ROR2: variants seen among roughly 807,000 people sequenced by gnomAD.
The protein encoded by ROR2 is tyrosine-protein kinase transmembrane receptor ROR2.
Under a neutral mutation model 74.9 loss-of-function variants are expected in ROR2, and 33 were observed. The observed-to-expected ratio is 0.44, with a 90% CI of 0.33 to 0.59. ROR2 has a LOEUF of 0.59. Ranked by LOEUF, ROR2 falls within the 20% of genes least tolerant of loss-of-function variation. The pLI, the probability that ROR2 is intolerant of heterozygous loss-of-function variation, is 0.02. For synonymous variants in ROR2, 586 were observed against 558.7 expected, an observed-to-expected ratio of 1.05 and a Z score of -0.69; for missense variants, 1,216 against 1,313.8, an observed-to-expected ratio of 0.93 and a Z score of 1.15.
At chr9:91,930,065 C>T (rs1831511144) in intron 1 of ROR2, among the ~76,000 whole-genome samples, 1 of 152,108 alleles carries the variant, frequency 6.6e-6, no homozygotes, top group African/African-American at 2.4e-5. Flanking sequence ...GCACCCCAGA[C>T]AATTGAAATC....
chr9:91,763,853 A>G (rs1825985086), intron 2 of ROR2, among the ~76,000 whole-genome samples: 1 of 152,212 alleles, frequency 6.6e-6, no homozygotes, highest in African/African-American at 2.4e-5. Flanking sequence ...CTGTTGTCAC[A>G]GAACATGGTC....
rs35972600 is a variant in ROR2, at chr9:91,786,158, CAAAAAAAAAA to C, written c.98-10350_98-10341del. Among the ~76,000 whole-genome samples, 4 of 56,542 alleles carry C rather than the reference CAAAAAAAAAA, an allele frequency of 7.1e-5. No individual in the cohort carries two copies. The South Asian group carries it at 2.5e-3, about 35-fold the overall frequency. The allele number at this position is 56,542 out of a possible 152,430, so 37.1% of individuals were successfully genotyped here. On this transcript the variant is annotated intron_variant, in intron 1 of 8. Transcript: ENST00000375708. ...TAACATACGGAAACCCTGTTTCTAC[CAAAAAAAAAA>C]AAAAAAAAAAAAGCCAGGTATGGTG...
At chr9:91,892,188 C>T (rs1006845644) in intron 1 of ROR2, among the ~76,000 whole-genome samples, 1 of 152,324 alleles carries the variant, frequency 6.6e-6, no homozygotes, top group Admixed American at 6.5e-5. Flanking sequence ...AGATAATCTC[C>T]CTTTCTAAAC....
chr9:91,830,502 T>G (rs1171218116), intron 1 of ROR2, among the ~76,000 whole-genome samples: 1 of 152,090 alleles, frequency 6.6e-6, no homozygotes, highest in Non-Finnish European at 1.5e-5. Flanking sequence ...AAGCTATGTC[T>G]GTACAATAAC....
chr9:91,862,027 T>TAAG (rs908441399), intron 1 of ROR2, among the ~76,000 whole-genome samples: 35 of 151,950 alleles, frequency 2.3e-4, no homozygotes, highest in African/African-American at 7.5e-4. Context: ...GGTGCCCTTA[T>TAAG]AAGAAGAAGA....
At chr9:91,726,507 A>G (rs1837039234) in intron 8 of ROR2, 34 bp downstream of exon 8, 3 of 1,594,154 alleles carry the variant, frequency 1.9e-6, no homozygotes, top group Non-Finnish European at 2.6e-6. Flanking sequence ...AACCTGGAAG[A>G]GCCACCCGGG....
intron 1 of ROR2, among the ~76,000 whole-genome samples, chr9:91,860,335 T>C (rs1252364542): frequency 6.6e-6 from 1 of 152,142 alleles, no homozygotes; most frequent in Admixed American, 6.5e-5. Flanking sequence ...ATGGGGGATC[T>C]CATGAGAAAC....
At chr9:91,853,912 G>C (rs1034999480) in intron 1 of ROR2, among the ~76,000 whole-genome samples, 1 of 152,218 alleles carries the variant, frequency 6.6e-6, no homozygotes, top group African/African-American at 2.4e-5. Context: ...GAGGAACAAA[G>C]TGTTCCTTGG....
chr9:91,786,603 C>T (rs541412823), intron 1 of ROR2, among the ~76,000 whole-genome samples: 3 of 152,284 alleles, frequency 2.0e-5, no homozygotes, highest in East Asian at 1.9e-4. Flanking sequence ...CCACCAACCT[C>T]GCAAACAGTG....
intron 1 of ROR2, among the ~76,000 whole-genome samples, chr9:91,936,706 A>C (rs1027097313): frequency 2.6e-5 from 4 of 152,222 alleles, no homozygotes; most frequent in African/African-American, 9.6e-5. Flanking sequence ...AAGCAGCTCT[A>C]ATCTTATTTC....
intron 1 of ROR2, among the ~76,000 whole-genome samples, chr9:91,787,034 C>G (rs1826826115): frequency 6.6e-6 from 1 of 152,196 alleles, no homozygotes; most frequent in African/African-American, 2.4e-5. Flanking sequence ...GAAATGAAAG[C>G]TGAAGCCGTC....
Position 91,723,710 on chromosome 9 carries a change from G to A in ROR2, c.2784C>T (p.Asp928=). The change falls in exon 9 of 9, where the codon GAC becomes GAT. Residue 928 remains aspartate, a synonymous_variant. Transcript: ENST00000375708. ...GSVPETELLG[D]CDTLQVDEAQ... is the part of the protein sequence containing the mutation. ...CCTCGTCCACCTGCAGAGTGTCACA[G>A]TCCCCCAGCAGCTCAGTCTCTGGGA... is the stretch of plus-strand genomic sequence containing the variant. The A allele has an allele frequency of 6.2e-7, 1 of 1,613,994 alleles. No individual in the cohort carries two copies. Among genetic ancestry groups the A allele is most frequent in the Middle Eastern group, 1.6e-4 (1 of 6,062 alleles).
At chr9:91,895,735 C>T (rs1443798968) in intron 1 of ROR2, among the ~76,000 whole-genome samples, 1 of 152,074 alleles carries the variant, frequency 6.6e-6, no homozygotes, top group Non-Finnish European at 1.5e-5. Flanking sequence ...CCCAGCTACT[C>T]GGGAGGCTGA....
chr9:91,734,831 T>A (rs1040759295), intron 5 of ROR2, among the ~76,000 whole-genome samples: 2 of 152,224 alleles, frequency 1.3e-5, no homozygotes, highest in African/African-American at 4.8e-5. Flanking sequence ...CCTGATTGTG[T>A]GCAGGCACTA....
At chr9:91,754,913 A>G (rs1825697649) in intron 4 of ROR2, among the ~76,000 whole-genome samples, 1 of 152,156 alleles carries the variant, frequency 6.6e-6, no homozygotes, top group African/African-American at 2.4e-5. Flanking sequence ...GTGATTTGGG[A>G]GGGCGAGACA....
At chr9:91,870,799 G>A (rs1298146755) in intron 1 of ROR2, among the ~76,000 whole-genome samples, 1 of 152,236 alleles carries the variant, frequency 6.6e-6, no homozygotes, top group African/African-American at 2.4e-5. Flanking sequence ...GACAGCTTGA[G>A]CTAGTGTGTA....
intron 5 of ROR2, among the ~76,000 whole-genome samples, chr9:91,736,653 G>A (rs1209570144): frequency 6.6e-6 from 1 of 152,192 alleles, no homozygotes; most frequent in Non-Finnish European, 1.5e-5. Flanking sequence ...TAGGACTATT[G>A]TCTAATTAAT....
chr9:91,948,681 G>C, intron 1 of ROR2: 2 of 985,550 alleles, frequency 2.0e-6, no homozygotes, highest in Non-Finnish European at 2.4e-6. Context: ...AAAGCAGAGC[G>C]TCTCCCAGCC....
intron 4 of ROR2, among the ~76,000 whole-genome samples, chr9:91,746,922 T>C (rs926266916): frequency 2.0e-5 from 3 of 151,730 alleles, no homozygotes; most frequent in Admixed American, 2.0e-4. Flanking sequence ...CTGTGGGCCA[T>C]GGGGTGGGTC....
Sources: gnomAD v4.1 joint callset for allele counts (sites outside exome capture counted in the v4.1 genomes callset) on GRCh38, gnomAD v4.1.1 for gene constraint, MANE v1.5 for transcripts, NCBI Gene and HGNC (gene_info 2026-07-23, HGNC 2026-07-21) for gene names.